Variants in KLHL8 observed in about 807,000 individuals in gnomAD.
The protein encoded by KLHL8 is kelch like family member 8.
A neutral mutation model predicts 63.5 loss-of-function variants in KLHL8; 38 were observed. The ratio of observed to expected loss-of-function variants is 0.60; its 90% CI spans 0.46 to 0.78. The LOEUF (loss-of-function observed/expected upper bound fraction) is 0.78. Ranked by LOEUF, KLHL8 falls within the 30% of genes least tolerant of loss-of-function variation. KLHL8 has a pLI of 0.00. For synonymous variants in KLHL8, 224 were observed against 254.3 expected (o/e 0.88, Z 1.13); for missense variants, 566 against 752.4 (o/e 0.75, Z 2.90).
chr4:87,226,711 T>A (rs1174847372), intron 1 of KLHL8, among the ~76,000 whole-genome samples: 1 of 35,248 alleles, frequency 2.8e-5, no homozygotes, highest in African/African-American at 1.5e-4. Context: ...ATATATAATA[T>A]ATATTATTTA....
At chr4:87,180,177 A>G (rs1730996541) in intron 4 of KLHL8, among the ~76,000 whole-genome samples, 1 of 152,200 alleles carries the variant, frequency 6.6e-6, no homozygotes, top group Non-Finnish European at 1.5e-5. Flanking sequence ...TTCCTATAGC[A>G]CTTTTGGTAA....
chr4:87,184,376 G>A (rs910164392), intron 3 of KLHL8, among the ~76,000 whole-genome samples: 1 of 152,130 alleles, frequency 6.6e-6, no homozygotes, highest in Admixed American at 6.5e-5. Flanking sequence ...TATCTAAAAT[G>A]AGAACACTGG....
chr4:87,208,884 T>C (rs1200054726), intron 1 of KLHL8, among the ~76,000 whole-genome samples: 2 of 152,348 alleles, frequency 1.3e-5, no homozygotes, highest in East Asian at 3.9e-4. Flanking sequence ...TTAATAAATA[T>C]TCACTTTTAT....
At chr4:87,182,968 T>C (rs146095296) in intron 4 of KLHL8, among the ~76,000 whole-genome samples, 229 of 152,278 alleles carry the variant, frequency 1.5e-3, no homozygotes, top group African/African-American at 5.2e-3. Flanking sequence ...AGAAGAGATA[T>C]TTCAGTAGGC....
rs1243317869 is a variant in KLHL8, at chr4:87,164,011, A to C, written c.1606T>G (p.Tyr536Asp). 1 of 1,614,194 alleles carries C rather than the reference A, an allele frequency of 6.2e-7. No homozygotes were observed. The highest frequency in any genetic ancestry group is 1.1e-5 in the South Asian group (1 of 91,082). The stretch of plus-strand genomic sequence containing the variant: ...CTGGGAGTAGTAAGTGCTGCCACAT[A>C]ATCCCACTTGTTGCTTCGGGGGTCA... ...RYDPRSNKWDYVAALTTPRGG... is the reference protein window; with the variant it reads ...RYDPRSNKWDDVAALTTPRGG... The change falls in exon 9 of 10, where the codon TAT becomes GAT. Residue 536 changes from tyrosine to aspartate, a missense_variant. Coordinates refer to ENST00000273963, the MANE Select transcript of KLHL8 (RefSeq NM_020803.5).
intron 1 of KLHL8, among the ~76,000 whole-genome samples, chr4:87,198,297 A>G (rs139111240): frequency 0.011 from 1,746 of 152,266 alleles, 39 homozygotes; most frequent in African/African-American, 0.04. Context: ...TCCAGCCTGG[A>G]CAACAGAATG....
rs541790953 is a variant in KLHL8 at position 87,211,938 on chromosome 4, C to A, written c.-152+8480G>T. 3.2e-4 allele frequency among the ~76,000 whole-genome samples: 49 copies of A among 152,204 alleles called. 2 individuals are homozygous for A. In the South Asian group the frequency reaches 0.01, roughly 32 times the overall value. On this transcript the variant is annotated intron_variant, in intron 1 of 9. Transcript: ENST00000273963. ...TCTTTTAGACAGATGTGTTCTTGAA[C>A]AATAACTGAGTAAAGACCAACAATA...
intron 1 of KLHL8, among the ~76,000 whole-genome samples, chr4:87,208,291 AAAAC>A (rs61613935): frequency 2.8e-4 from 42 of 152,144 alleles, no homozygotes; most frequent in South Asian, 6.2e-4. Flanking sequence ...TGCTTAGCCA[AAAAC>A]AAACAAACAA....
chr4:87,178,345 A>T (rs1730909306), intron 5 of KLHL8, 132 bp downstream of exon 5: 1 of 956,582 alleles, frequency 1.0e-6, no homozygotes, highest in Non-Finnish European at 1.5e-6. Flanking sequence ...GTAAATTATC[A>T]CTAACCAAGC....
In KLHL8 at chr4:87,163,880, A is replaced by G; in HGVS notation, c.1737T>C (p.Asn579=). 3.1e-6 allele frequency: 5 copies of G among 1,613,380 alleles called. No individual in the cohort carries two copies. The highest frequency in any genetic ancestry group is 2.5e-6 in the Non-Finnish European group (3 of 1,179,418). The change falls in exon 9 of 10, where the codon AAT becomes AAC. Residue 579 remains asparagine, a splice_region_variant and synonymous_variant. Transcript: ENST00000273963. ...CACGGAGACAACATGTAAATTACCTATTCAGCACTGGATCAAACGCTTCTA... is the reference window on the plus strand; with the variant it reads ...CACGGAGACAACATGTAAATTACCTGTTCAGCACTGGATCAAACGCTTCTA... The part of the protein sequence containing the change: ...NTVEAFDPVL[N]RWELVGSVSH...
chr4:87,231,306 C>T (rs962436015), intron 1 of KLHL8, among the ~76,000 whole-genome samples: 2 of 152,138 alleles, frequency 1.3e-5, no homozygotes, highest in African/African-American at 2.4e-5. Context: ...CCTGCCAGTG[C>T]CTTTTGGGAT....
intron 8 of KLHL8, among the ~76,000 whole-genome samples, chr4:87,168,346 G>A (rs1730486234): frequency 1.3e-5 from 2 of 152,140 alleles, no homozygotes; most frequent in Admixed American, 1.3e-4. Flanking sequence ...TTTTCTGATT[G>A]TAGTAAAGGT....
chr4:87,195,554 T>C lies in KLHL8; in HGVS notation c.-15A>G. On this transcript the variant is annotated 5_prime_UTR_variant, in exon 2 of 10. Coordinates refer to ENST00000273963, the MANE Select transcript of KLHL8 (RefSeq NM_020803.5). ...TCTGAAGCCATTTGCAATATTCCTC[T>C]TTTAATAGAGCTCTCTTCTCAAACA... The C allele has an allele frequency of 6.3e-7, 1 of 1,595,414 alleles. No individual in the cohort carries two copies. Among genetic ancestry groups the C allele is most frequent in the Non-Finnish European group, 8.6e-7 (1 of 1,165,580 alleles).
At chr4:87,182,396 A>G (rs1348049275) in intron 4 of KLHL8, among the ~76,000 whole-genome samples, 1 of 151,998 alleles carries the variant, frequency 6.6e-6, no homozygotes, top group African/African-American at 2.4e-5. Flanking sequence ...TTCTACTCAT[A>G]ATCAGGTATT....
chr4:87,197,047 T>C (rs1031938879), intron 1 of KLHL8, among the ~76,000 whole-genome samples: 1 of 152,248 alleles, frequency 6.6e-6, no homozygotes, highest in Non-Finnish European at 1.5e-5. Flanking sequence ...AATCTCATCA[T>C]TTCCAGCTTT....
intron 2 of KLHL8, 53 bp downstream of exon 2, chr4:87,195,271 T>C: frequency 6.9e-7 from 1 of 1,446,742 alleles, no homozygotes; most frequent in Non-Finnish European, 9.5e-7. Flanking sequence ...AAACCCCCAT[T>C]TCTCATATTA....
chr4:87,206,764 T>C (rs942768248), intron 1 of KLHL8, among the ~76,000 whole-genome samples: 2 of 152,222 alleles, frequency 1.3e-5, no homozygotes, highest in Admixed American at 1.3e-4. Flanking sequence ...TTTTTATGAA[T>C]TATTTCCTAA....
chr4:87,235,261 A>AGTATCAT (rs889264314), intron 1 of KLHL8, among the ~76,000 whole-genome samples: 42 of 152,180 alleles, frequency 2.8e-4, no homozygotes, highest in South Asian at 8.3e-4. Context: ...GCCCTATACA[A>AGTATCAT]GTATCATTTT....
At chr4:87,199,584 A>G (rs896340417) in intron 1 of KLHL8, among the ~76,000 whole-genome samples, 9 of 152,094 alleles carry the variant, frequency 5.9e-5, no homozygotes, top group Admixed American at 4.6e-4. Context: ...ATGGAAGAAA[A>G]TAGTATTTGC....
Sources: allele counts gnomAD v4.1 joint callset (sites outside exome capture counted in the v4.1 genomes callset), GRCh38; gene constraint gnomAD v4.1.1; transcripts MANE v1.5; gene names NCBI Gene and HGNC (gene_info 2026-07-23, HGNC 2026-07-21).